Variants in UTRN observed in about 807,000 individuals in gnomAD.
UTRN encodes utrophin, also known as dystrophin-related protein 1.
A neutral mutation model predicts 463.9 loss-of-function variants in UTRN; 283 were observed. The ratio of observed to expected loss-of-function variants is 0.61; its 90% CI spans 0.55 to 0.67. UTRN has a LOEUF of 0.67. Ranked by LOEUF, UTRN falls within the 30% of genes least tolerant of loss-of-function variation. The pLI, the probability that UTRN is intolerant of heterozygous loss-of-function variation, is 0.00. For missense variants in UTRN, 3,922 were observed against 4,084.3 expected, an observed-to-expected ratio of 0.96 and a Z score of 1.08; for synonymous variants, 1,442 against 1,431.5, an observed-to-expected ratio of 1.01 and a Z score of -0.17.
chr6:144,733,209 A>G (rs1562834973), intron 54 of UTRN, among the ~76,000 whole-genome samples: 2 of 152,204 alleles, frequency 1.3e-5, no homozygotes. Context: ...CTTGTACATT[A>G]CTGCCATTTG....
At chr6:144,433,292 G>T in intron 9 of UTRN, among the ~76,000 whole-genome samples, 1 of 148,072 alleles carries the variant, frequency 6.8e-6, no homozygotes, top group East Asian at 2.1e-4. Context: ...CCTCCCGGAC[G>T]GGGCGGCTGG....
intron 50 of UTRN, among the ~76,000 whole-genome samples, chr6:144,573,495 A>T (rs1470014129): frequency 1.3e-5 from 2 of 152,020 alleles, no homozygotes; most frequent in East Asian, 3.9e-4. Context: ...AGAGTTTGAG[A>T]CCAGCCTAGT....
At chr6:144,694,282 G>A (rs764949888) in intron 52 of UTRN, among the ~76,000 whole-genome samples, 123 of 140,612 alleles carry the variant, frequency 8.7e-4, no homozygotes, top group Non-Finnish European at 1.2e-3. Flanking sequence ...TGCTGGATTC[G>A]GTTTGCCAGT....
At position 144,470,675 on chromosome 6, in the gene UTRN, C is replaced by T. The variant is rs570484979; in HGVS notation, c.3067-3045C>T. On this transcript the variant is annotated intron_variant, in intron 23 of 74. Coordinates refer to ENST00000367545, the MANE Select transcript of UTRN (RefSeq NM_007124.3). ...CGGCACTTTGGGAGGCCAAAGCAGGCGGCTGGGAGGTGGAGGTTGTAGCGA... is the reference window on the plus strand; with the variant it reads ...CGGCACTTTGGGAGGCCAAAGCAGGTGGCTGGGAGGTGGAGGTTGTAGCGA... Among the ~76,000 whole-genome samples, 25 of 152,152 alleles carry T rather than the reference C, an allele frequency of 1.6e-4. 1 individual carries two copies. The South Asian group carries it at 3.5e-3, about 21-fold the overall frequency.
chr6:144,458,032 A>G (rs1463691344), intron 19 of UTRN, among the ~76,000 whole-genome samples: 1 of 152,208 alleles, frequency 6.6e-6, no homozygotes, highest in Non-Finnish European at 1.5e-5. Flanking sequence ...ATTATATATG[A>G]CTTTATTATT....
At chr6:144,595,243 G>A (rs1410000862) in intron 51 of UTRN, among the ~76,000 whole-genome samples, 2 of 152,134 alleles carry the variant, frequency 1.3e-5, no homozygotes, top group Non-Finnish European at 2.9e-5. Flanking sequence ...GTGTATTAAT[G>A]TTTATGAATT....
chr6:144,588,730 G>A (rs946366859), intron 51 of UTRN, among the ~76,000 whole-genome samples: 1 of 152,186 alleles, frequency 6.6e-6, no homozygotes, highest in African/African-American at 2.4e-5. Flanking sequence ...TAAATGTGCA[G>A]ACATAGCTCC....
chr6:144,686,598 T>C (rs75206442), intron 52 of UTRN, among the ~76,000 whole-genome samples: 15,186 of 152,254 alleles, frequency 0.1, 1,297 homozygotes, highest in East Asian at 0.48. Flanking sequence ...ATGTTTAGGA[T>C]TGTAGTATCT....
chr6:144,539,230 A>G lies in UTRN; in HGVS notation c.6370-64A>G, dbSNP rs1797794995. The stretch of plus-strand genomic sequence containing the variant: ...TAATAATACCAAAAAGGTTTCTAAT[A>G]CAGTTCTTGAATTTTCCCTTATCTG... On this transcript the variant is annotated intron_variant, in intron 44 of 74. Coordinates refer to ENST00000367545, the MANE Select transcript of UTRN (RefSeq NM_007124.3). The G allele has an allele frequency of 4.1e-6, 6 of 1,460,510 alleles. No homozygotes were observed. In the South Asian group the frequency reaches 6.0e-5, roughly 15 times the overall value. 90.5% of individuals were successfully genotyped at this position (1,460,510 alleles called of 1,614,324 possible). A position where few individuals can be genotyped will look rare whatever the true frequency, so the allele number is the denominator to read the frequency against.
chr6:144,586,414 C>G (rs1802468937), intron 51 of UTRN, among the ~76,000 whole-genome samples: 1 of 152,000 alleles, frequency 6.6e-6, no homozygotes, highest in East Asian at 1.9e-4. Flanking sequence ...GCCCTGATGA[C>G]CTAAAATCAC....
chr6:144,468,560 T>C (rs1584906255), intron 23 of UTRN, among the ~76,000 whole-genome samples: 1 of 152,030 alleles, frequency 6.6e-6, no homozygotes, highest in Non-Finnish European at 1.5e-5. Context: ...ATATTTCGTT[T>C]TGGTTTGTAA....
intron 9 of UTRN, among the ~76,000 whole-genome samples, chr6:144,433,448 G>C (rs1252381252): frequency 6.7e-6 from 1 of 148,904 alleles, no homozygotes; most frequent in South Asian, 2.1e-4. Flanking sequence ...CGGGCGGAGG[G>C]GCTCCTCACT....
intron 51 of UTRN, chr6:144,583,319 A>C: frequency 2.3e-6 from 1 of 430,798 alleles, no homozygotes; most frequent in Non-Finnish European, 4.2e-6. Context: ...TGAGAAGTTG[A>C]AGGAATACCA....
chr6:144,543,831 A>G (rs140352234), intron 46 of UTRN, among the ~76,000 whole-genome samples: 241 of 151,132 alleles, frequency 1.6e-3, no homozygotes, highest in Non-Finnish European at 2.8e-3. Flanking sequence ...ATTTTTCGAG[A>G]TTGCAAGCTA....
At chr6:144,487,825 A>C (rs1367975829) in intron 29 of UTRN, 128 bp downstream of exon 29, 1 of 817,254 alleles carries the variant, frequency 1.2e-6, no homozygotes, top group African/African-American at 1.7e-5. Context: ...AACCAATGCT[A>C]ACAGGGGCAT....
chr6:144,750,084 G>A (rs1426739296), intron 55 of UTRN, among the ~76,000 whole-genome samples: 1 of 152,124 alleles, frequency 6.6e-6, no homozygotes, highest in Non-Finnish European at 1.5e-5. Context: ...TGAAGGATTT[G>A]AATTCTGTAA....
intron 2 of UTRN, among the ~76,000 whole-genome samples, chr6:144,293,692 T>A (rs539941553): frequency 2.0e-5 from 3 of 152,208 alleles, no homozygotes; most frequent in African/African-American, 4.8e-5. Flanking sequence ...GATCAAAAGT[T>A]CTAGGATTGT....
intron 51 of UTRN, among the ~76,000 whole-genome samples, chr6:144,660,805 C>A (rs768751242): frequency 1.3e-5 from 2 of 152,272 alleles, no homozygotes; most frequent in Admixed American, 1.3e-4. Flanking sequence ...TTTATCTGAG[C>A]GTGTCTGTTT....
chr6:144,324,110 C>T (rs566786276), intron 2 of UTRN, among the ~76,000 whole-genome samples: 2 of 152,294 alleles, frequency 1.3e-5, no homozygotes, highest in South Asian at 4.1e-4. Flanking sequence ...GAAACCTTTA[C>T]ACTGGGTGTA....
Sources: gnomAD v4.1 joint callset for allele counts (sites outside exome capture counted in the v4.1 genomes callset) on GRCh38, gnomAD v4.1.1 for gene constraint, MANE v1.5 for transcripts, NCBI Gene and HGNC (gene_info 2026-07-23, HGNC 2026-07-21) for gene names.